Variants in MGAT5B observed in about 807,000 individuals in gnomAD.
MGAT5B encodes the protein N-acetylglucosaminyl-transferase Vb.
Under a neutral mutation model 95.1 loss-of-function variants are expected in MGAT5B, and 54 were observed. The ratio of observed to expected loss-of-function variants is 0.57; its 90% CI spans 0.46 to 0.71. The LOEUF is 0.71. MGAT5B is among the 30% of genes least tolerant of loss of function. The pLI is 0.00. For synonymous variants in MGAT5B, 464 were observed against 451.0 expected, an observed-to-expected ratio of 1.03 and a Z score of -0.36; for missense variants, 935 against 1,088.6, an observed-to-expected ratio of 0.86 and a Z score of 1.99.
At chr17:76,886,940 A>C (rs1967652148) in intron 3 of MGAT5B, among the ~76,000 whole-genome samples, 1 of 152,174 alleles carries the variant, frequency 6.6e-6, no homozygotes, top group Admixed American at 6.5e-5. Flanking sequence ...GCTACTTGGG[A>C]GGCTAAGGCA....
chr17:76,882,853 T>C (rs1967485117), intron 3 of MGAT5B, among the ~76,000 whole-genome samples: 1 of 151,598 alleles, frequency 6.6e-6, no homozygotes, highest in Non-Finnish European at 1.5e-5. Flanking sequence ...TAGCTGGGAC[T>C]ACAGGCGCCC....
chr17:76,872,477 C>T (rs1291291491), intron 1 of MGAT5B, among the ~76,000 whole-genome samples: 1 of 152,230 alleles, frequency 6.6e-6, no homozygotes, highest in East Asian at 1.9e-4. Flanking sequence ...GGGGTCTGGG[C>T]CCGGCATTGG....
intron 1 of MGAT5B, among the ~76,000 whole-genome samples, chr17:76,871,826 G>C (rs912923637): frequency 6.6e-6 from 1 of 152,210 alleles, no homozygotes; most frequent in Non-Finnish European, 1.5e-5. Context: ...CAAGTCCTCT[G>C]ATAGGTTCAA....
intron 5 of MGAT5B, 36 bp downstream of exon 5, chr17:76,903,412 G>T: frequency 6.4e-7 from 1 of 1,566,142 alleles, no homozygotes; most frequent in Non-Finnish European, 8.7e-7. Context: ...GATGTCTACA[G>T]CTAGGGCCTC....
chr17:76,927,280 A>G (rs777644629), intron 10 of MGAT5B, among the ~76,000 whole-genome samples: 17 of 152,106 alleles, frequency 1.1e-4, no homozygotes, highest in Admixed American at 6.6e-4. Context: ...TCTATTGGTC[A>G]GGTTGCAGTG....
At position 76,932,636 on chromosome 17, in the gene MGAT5B, G is replaced by A. The variant is rs368584892; in HGVS notation, c.1292-9G>A. ...GTGACCCCATTCCTTCTGCGTGCTC[G>A]GGCTGCAGCTCATACCCCCGACAAC... is the stretch of plus-strand genomic sequence containing the variant. On this transcript the variant is annotated splice_polypyrimidine_tract_variant and intron_variant, in intron 10 of 17. Transcript: ENST00000569840. The A allele has an allele frequency of 2.5e-6, 4 of 1,613,382 alleles. No individual in the cohort carries two copies. Among genetic ancestry groups the A allele is most frequent in the Non-Finnish European group, 8.5e-7 (1 of 1,179,594 alleles).
At chr17:76,898,787 C>T (rs1039781420) in intron 3 of MGAT5B, among the ~76,000 whole-genome samples, 1 of 152,138 alleles carries the variant, frequency 6.6e-6, no homozygotes, top group African/African-American at 2.4e-5. Context: ...ACACATCACC[C>T]GAGCAGTATA....
Position 76,905,545 on chromosome 17 carries a change from A to G in MGAT5B, c.855+212A>G, listed in dbSNP as rs778135956. ...GTTGGGACCAAATGACAAGCCCCCA[A>G]GAGGTCCTGCATTCTGTGTACATCT... On this transcript the variant is annotated intron_variant, in intron 7 of 17. Coordinates refer to ENST00000569840, the MANE Select transcript of MGAT5B (RefSeq NM_001199172.2). This position sits in a 1 kb window ranked among gnomAD's most constrained non-coding sequence, Gnocchi z 4.2. Among the ~76,000 whole-genome samples, 5 of 152,184 alleles carry G rather than the reference A, an allele frequency of 3.3e-5. No individual in the cohort carries two copies. The highest frequency in any genetic ancestry group is 5.9e-5 in the Non-Finnish European group (4 of 68,028).
At chr17:76,944,590 G>A (rs944022580) in intron 15 of MGAT5B, among the ~76,000 whole-genome samples, 3 of 152,188 alleles carry the variant, frequency 2.0e-5, no homozygotes, top group Admixed American at 1.3e-4. Context: ...TGCAGAGCAC[G>A]GGGCTTCAAG....
chr17:76,887,816 C>T (rs1379283635), intron 3 of MGAT5B, among the ~76,000 whole-genome samples: 1 of 151,928 alleles, frequency 6.6e-6, no homozygotes. Flanking sequence ...CTTGGCCTCC[C>T]AAAGTGCTGG....
chr17:76,917,127 G>A lies in MGAT5B; in HGVS notation c.1026-7839G>A, dbSNP rs12452891. Among the ~76,000 whole-genome samples the A allele has an allele frequency of 0.13, 20,359 of 152,162 alleles. 1,526 individuals are homozygous for A. Among genetic ancestry groups the A allele is most frequent in the East Asian group, 0.32 (1,648 of 5,166 alleles). On this transcript the variant is annotated intron_variant, in intron 8 of 17. Coordinates refer to ENST00000569840, the MANE Select transcript of MGAT5B (RefSeq NM_001199172.2). The surrounding 1 kb of genome is among the most constrained non-coding windows in gnomAD (Gnocchi z 6.1). ...GGCCAATTAAATGCTCTCAAGTCCG[G>A]GTTTAGTGTGAGGATTTTGCACACC...
intron 3 of MGAT5B, among the ~76,000 whole-genome samples, chr17:76,886,958 C>A (rs1004448317): frequency 2.0e-5 from 3 of 152,122 alleles, no homozygotes; most frequent in Non-Finnish European, 4.4e-5. Flanking sequence ...GCAGGAGAAT[C>A]GCTTGAAGCT....
chr17:76,903,297 CTACAGTG>C lies in MGAT5B; in HGVS notation c.446-4_448del. 6.2e-7 allele frequency: 1 copy of C among 1,610,044 alleles called. No individual in the cohort carries two copies. The highest frequency in any genetic ancestry group is 8.5e-7 in the Non-Finnish European group (1 of 1,178,078). ...GGGACTTCAGCAAGGTGACCTCTCCCTACAGTGTCAGAAGGCCGGCGGGACCAGTGTG... is the reference window on the plus strand; with the variant it reads ...GGGACTTCAGCAAGGTGACCTCTCCCTCAGAAGGCCGGCGGGACCAGTGTG... On this transcript the variant is annotated splice_acceptor_variant and splice_polypyrimidine_tract_variant and coding_sequence_variant and intron_variant, in exon 5 of 18. Transcript: ENST00000569840. LOFTEE classifies it high-confidence loss of function.
rs190040275 is a variant in MGAT5B at position 76,923,147 on chromosome 17, G to A, written c.1026-1819G>A. ...GGATGGTGCGCACAGTCCCCTCCCC[G>A]AGCTTCTGAGCATGCGCAAAGCGAG... On this transcript the variant is annotated intron_variant, in intron 8 of 17. Coordinates refer to ENST00000569840, the MANE Select transcript of MGAT5B (RefSeq NM_001199172.2). Among the ~76,000 whole-genome samples, 5 of 152,298 alleles carry A rather than the reference G, an allele frequency of 3.3e-5. No individual in the cohort carries two copies. In the East Asian group the frequency reaches 9.7e-4, roughly 29 times the overall value.
At chr17:76,910,813 G>A (rs1968706427) in intron 8 of MGAT5B, among the ~76,000 whole-genome samples, 1 of 152,210 alleles carries the variant, frequency 6.6e-6, no homozygotes, top group South Asian at 2.1e-4. Flanking sequence ...CTGGCCCTTG[G>A]TCCCCTGTGG....
intron 3 of MGAT5B, among the ~76,000 whole-genome samples, chr17:76,901,114 C>T (rs540827469): frequency 6.6e-6 from 1 of 152,312 alleles, no homozygotes; most frequent in African/African-American, 2.4e-5. Context: ...ACTGCCCTTT[C>T]TTTCCTTAGG....
At chr17:76,898,326 C>CTTTT (rs1356116019) in intron 3 of MGAT5B, among the ~76,000 whole-genome samples, 1 of 130,420 alleles carries the variant, frequency 7.7e-6, no homozygotes, top group South Asian at 2.4e-4. Flanking sequence ...AGTACATAAT[C>CTTTT]TTTTTATTTT....
rs376365445 is a variant in MGAT5B at position 76,948,843 on chromosome 17, G to A, written c.*5G>A. On this transcript the variant is annotated 3_prime_UTR_variant, in exon 18 of 18. Coordinates refer to ENST00000569840, the MANE Select transcript of MGAT5B (RefSeq NM_001199172.2). ...TTGTGCCAGGGCTGTCTGTGAATCC[G>A]CCTCTGCCGCCCTGCCTGGCACCCA... 14 of 1,578,090 alleles carry A rather than the reference G, an allele frequency of 8.9e-6. No homozygotes were observed. Among genetic ancestry groups the A allele is most frequent in the Middle Eastern group, 2.1e-4 (1 of 4,784 alleles).
Position 76,906,134 on chromosome 17 carries a change from C to CT in MGAT5B, c.973dup (p.Tyr325LeufsTer19). ...AGTGGGCGGACATTCTGACTGCACT[C>CT]TATGTCCTGGGCCATGGCCTGCGGG... On this transcript the variant is annotated frameshift_variant, in exon 8 of 18. Transcript: ENST00000569840. LOFTEE classifies it high-confidence loss of function. The surrounding 1 kb of genome is among the most constrained non-coding windows in gnomAD (Gnocchi z 4.6). 6.2e-7 allele frequency: 1 copy of CT among 1,608,318 alleles called. No homozygotes were observed. Among genetic ancestry groups the CT allele is most frequent in the Non-Finnish European group, 8.5e-7 (1 of 1,177,730 alleles).
Sources: allele counts gnomAD v4.1 joint callset (sites outside exome capture counted in the v4.1 genomes callset), GRCh38; gene constraint gnomAD v4.1.1; non-coding constraint Gnocchi (gnomAD v3.1); transcripts MANE v1.5; gene names NCBI Gene and HGNC (gene_info 2026-07-23, HGNC 2026-07-21).